Variants in MMEL1 observed in about 807,000 individuals in gnomAD.
MMEL1 encodes membrane metallo-endopeptidase-like 1.
Under a neutral mutation model 117.1 loss-of-function variants are expected in MMEL1, and 98 were observed. The observed-to-expected ratio is 0.84, with a 90% confidence interval of 0.71 to 0.99. The LOEUF is 0.99. Among genes scored for constraint, MMEL1 ranks in the 50% least tolerant of loss-of-function variants. MMEL1 has a pLI of 0.00. For synonymous variants in MMEL1, 390 were observed against 415.1 expected, an observed-to-expected ratio of 0.94 and a Z score of 0.74; for missense variants, 1,014 against 1,049.1, an observed-to-expected ratio of 0.97 and a Z score of 0.46.
rs772686917 is a variant in MMEL1 at position 2,592,035 on chromosome 1, C to T, written c.2068-8G>A. The T allele has an allele frequency of 6.2e-7, 1 of 1,611,674 alleles. No individual in the cohort carries two copies. Among genetic ancestry groups the T allele is most frequent in the South Asian group, 1.1e-5 (1 of 91,028 alleles). On this transcript the variant is annotated splice_polypyrimidine_tract_variant and splice_region_variant and intron_variant, in intron 21 of 23. Transcript: ENST00000378412. The stretch of plus-strand genomic sequence containing the variant: ...CATCCACTTGAGGTAGGCCTGCAGG[C>T]ACCAGACAGGAGCTGAGCTCAGGCC...
chr1:2,628,620 G>A (rs898007298), intron 2 of MMEL1, among the ~76,000 whole-genome samples: 10 of 151,898 alleles, frequency 6.6e-5, no homozygotes, highest in African/African-American at 2.2e-4. Context: ...AAGGTGACCA[G>A]GTCTACGGGT....
intron 21 of MMEL1, among the ~76,000 whole-genome samples, 177 bp from the exon 22 acceptor site, chr1:2,592,204 C>G (rs1196879290): frequency 8.2e-6 from 1 of 122,664 alleles, no homozygotes; most frequent in Non-Finnish European, 1.7e-5. Context: ...CACTCAGGGA[C>G]CCCTGAGCTG....
chr1:2,598,410 G>A lies in MMEL1; in HGVS notation c.1179-110C>T. 1.4e-5 allele frequency: 18 copies of A among 1,264,630 alleles called. No homozygotes were observed. The South Asian group carries it at 2.1e-4, about 15-fold the overall frequency. The allele number at this position is 1,264,630 out of a possible 1,614,324, so 78.3% of individuals were successfully genotyped here. On this transcript the variant is annotated intron_variant, in intron 12 of 23. Transcript: ENST00000378412. Reference sequence around the variant, plus strand: ...CACGTTCCACCCCAGAGAGTTATGGGTGCTGGAGAAAACCTCCAGGACAAC... The same window carrying A: ...CACGTTCCACCCCAGAGAGTTATGGATGCTGGAGAAAACCTCCAGGACAAC...
chr1:2,591,305 T>C, intron 23 of MMEL1: 1 of 597,796 alleles, frequency 1.7e-6, no homozygotes, highest in Non-Finnish European at 3.0e-6. Flanking sequence ...ATTCCAACTC[T>C]GCAATAAAAC....
At chr1:2,630,960 C>T (rs985447057) in intron 1 of MMEL1, among the ~76,000 whole-genome samples, 5 of 148,726 alleles carry the variant, frequency 3.4e-5, no homozygotes, top group South Asian at 2.1e-4. Context: ...TGTGCGTGTA[C>T]GCTCGTGTGT....
Position 2,596,650 on chromosome 1 carries a change from C to A in MMEL1, c.1312G>T (p.Glu438Ter). The change falls in exon 14 of 24, where the codon GAA becomes TAA. Residue 438 changes from glutamate (E) to a stop codon, truncating the protein, a stop_gained. Transcript: ENST00000378412. LOFTEE classifies it high-confidence loss of function. Reference protein sequence around the residue: ...GTMVEEVRWRECVGYVNSNME... With the variant: ...GTMVEEVRWR ...TTGCTGTTGACGTAGCCCACACATT[C>A]ACGCCAGCGCACCTCCTCCACCATT... is the stretch of plus-strand genomic sequence containing the variant. 1 of 1,613,146 alleles carries A rather than the reference C, an allele frequency of 6.2e-7. No homozygotes were observed. The highest frequency in any genetic ancestry group is 8.5e-7 in the Non-Finnish European group (1 of 1,179,842).
chr1:2,618,787 T>C (rs549025503), intron 2 of MMEL1, among the ~76,000 whole-genome samples: 1 of 152,344 alleles, frequency 6.6e-6, no homozygotes, highest in African/African-American at 2.4e-5. Flanking sequence ...TTTGAATATG[T>C]ATTTACATTT....
At chr1:2,597,338 C>T (rs1051466714) in intron 13 of MMEL1, among the ~76,000 whole-genome samples, 3 of 152,040 alleles carry the variant, frequency 2.0e-5, no homozygotes, top group Non-Finnish European at 2.9e-5. Context: ...CCTACCCCCC[C>T]ATGGCAACAG....
chr1:2,609,486 A>G (rs1645091877), intron 5 of MMEL1, 67 bp from the exon 6 acceptor site: 7 of 1,549,220 alleles, frequency 4.5e-6, no homozygotes, highest in Non-Finnish European at 6.2e-6. Context: ...ACAGGTCCCT[A>G]CACCCCCTGA....
Position 2,629,478 on chromosome 1 carries a change from T to G in MMEL1, c.7A>C (p.Lys3Gln), listed in dbSNP as rs1046727210. 4.0e-6 allele frequency: 6 copies of G among 1,515,468 alleles called. No individual in the cohort carries two copies. The highest frequency in any genetic ancestry group is 5.3e-6 in the Non-Finnish European group (6 of 1,130,242). 93.9% of individuals were successfully genotyped at this position (1,515,468 alleles called of 1,614,324 possible). A position where few individuals can be genotyped will look rare whatever the true frequency, so the allele number is the denominator to read the frequency against. ...ACCATCCCCACTGGGCCTTCGGACT[T>G]CCCCATCAGCAGGGCTCTGGACGGG... is the stretch of plus-strand genomic sequence containing the variant. The part of the protein sequence containing the change: MG[K>Q]SEGPVGMVES... The change falls in exon 2 of 24, where the codon AAG (lysine) becomes CAG (glutamine). Residue 3 changes from lysine to glutamine, a missense_variant. Transcript: ENST00000378412.
rs1644679968 is a variant in MMEL1, at chr1:2,590,980, A to G, written c.*10T>C. 2 of 1,566,796 alleles carry G rather than the reference A, an allele frequency of 1.3e-6. No homozygotes were observed. Among genetic ancestry groups the G allele is most frequent in the Admixed American group, 3.7e-5 (2 of 53,456 alleles). ...GTGGGCGTGGGCCGCACAGCGCGGCAGGGCCTTGGCTACCACACGCGGCAT... is the reference window on the plus strand; with the variant it reads ...GTGGGCGTGGGCCGCACAGCGCGGCGGGGCCTTGGCTACCACACGCGGCAT... On this transcript the variant is annotated 3_prime_UTR_variant, in exon 24 of 24. Coordinates refer to ENST00000378412, the MANE Select transcript of MMEL1 (RefSeq NM_033467.4).
At chr1:2,617,108 C>T (rs191992771) in intron 2 of MMEL1, among the ~76,000 whole-genome samples, 53 of 152,332 alleles carry the variant, frequency 3.5e-4, no homozygotes, top group African/African-American at 1.3e-3. Flanking sequence ...CATGGCAAAA[C>T]CCCGTCTCTA....
At chr1:2,628,960 C>T (rs1192085901) in intron 2 of MMEL1, among the ~76,000 whole-genome samples, 7 of 118,986 alleles carry the variant, frequency 5.9e-5, no homozygotes, top group African/African-American at 2.2e-4. Context: ...CGGGGCTGCG[C>T]GGCCAGGCAG....
In MMEL1 at chr1:2,593,925, C is replaced by T. The variant is rs767208182; in HGVS notation, c.1756G>A (p.Ala586Thr). ...AAGAAGGGGGGCTGGAGGATCCCGGCAGGGAATACTGTCCCCAAGGGCGGG... is the reference window on the plus strand; with the variant it reads ...AAGAAGGGGGGCTGGAGGATCCCGGTAGGGAATACTGTCCCCAAGGGCGGG... ...SPNRNQIVFP[A>T]GILQPPFFSK... The change falls in exon 19 of 24, where the codon GCC becomes ACC. Residue 586 changes from alanine (A) to threonine (T), a missense_variant. Ala to Thr is a moderately conservative substitution (Grantham distance 58, BLOSUM62 0). Transcript: ENST00000378412. 6.2e-7 allele frequency: 1 copy of T among 1,606,024 alleles called. No homozygotes were observed. The highest frequency in any genetic ancestry group is 1.1e-5 in the South Asian group (1 of 90,230).
intron 11 of MMEL1, among the ~76,000 whole-genome samples, chr1:2,602,068 C>G (rs1644941016): frequency 1.7e-5 from 1 of 60,158 alleles, no homozygotes; most frequent in South Asian, 6.8e-4. Flanking sequence ...GACAACATCA[C>G]TCAGAAAAGG....
In MMEL1 at chr1:2,595,412, G is replaced by A; in HGVS notation, c.1501-53C>T. On this transcript the variant is annotated intron_variant, in intron 15 of 23. Coordinates refer to ENST00000378412, the MANE Select transcript of MMEL1 (RefSeq NM_033467.4). This position sits in a 1 kb window ranked among gnomAD's most constrained non-coding sequence, Gnocchi z 4.8. ...GGGTGCCCCACTGCGGATGGAGTCA[G>A]CCCGGGGGCCGGTCAGTGAGTGCCA... 2 of 1,532,652 alleles carry A rather than the reference G, an allele frequency of 1.3e-6. No individual in the cohort carries two copies. The highest frequency in any genetic ancestry group is 1.8e-6 in the Non-Finnish European group (2 of 1,107,490). The allele number at this position is 1,532,652 out of a possible 1,614,324, so 94.9% of individuals were successfully genotyped here.
intron 6 of MMEL1, among the ~76,000 whole-genome samples, chr1:2,607,972 C>T (rs1318713046): frequency 6.6e-6 from 1 of 152,152 alleles, no homozygotes; most frequent in African/African-American, 2.4e-5. Context: ...CCCGGCTGGG[C>T]TGCCGGTCCT....
intron 18 of MMEL1, 166 bp from the exon 19 acceptor site, chr1:2,594,099 T>C: frequency 2.0e-6 from 2 of 1,004,896 alleles, no homozygotes; most frequent in Non-Finnish European, 2.8e-6. Flanking sequence ...GTTCAGAGGC[T>C]GGGCGGGCTC....
chr1:2,626,249 G>C (rs1638274696), intron 2 of MMEL1, among the ~76,000 whole-genome samples: 1 of 152,180 alleles, frequency 6.6e-6, no homozygotes, highest in Non-Finnish European at 1.5e-5. Context: ...TTGGGGAAGA[G>C]GTATGTGGAT....
Sources: gnomAD v4.1 joint callset for allele counts (sites outside exome capture counted in the v4.1 genomes callset) on GRCh38, gnomAD v4.1.1 for gene constraint, Gnocchi (gnomAD v3.1) non-coding constraint, MANE v1.5 for transcripts, NCBI Gene and HGNC (gene_info 2026-07-23, HGNC 2026-07-21) for gene names.